The following CDH15 variants were observed in gnomAD, a reference collection of about 807,000 sequenced individuals.
CDH15 encodes the protein cadherin-15.
Under a neutral mutation model 69.4 loss-of-function variants are expected in CDH15, and 73 were observed. The observed-to-expected ratio is 1.05, with a 90% CI of 0.87 to 1.28. The LOEUF (loss-of-function observed/expected upper bound fraction) is 1.28, where lower values mean the gene tolerates loss of function less well. Among genes scored for constraint, CDH15 ranks in the 50% most tolerant of loss-of-function variants. CDH15 has a pLI of 0.00. For synonymous variants in CDH15, 624 were observed against 507.7 expected, an observed-to-expected ratio of 1.23 and a Z score of -3.08; for missense variants, 1,343 against 1,133.6, an observed-to-expected ratio of 1.18 and a Z score of -2.65.
Position 89,190,379 on chromosome 16 carries a change from C to T in CDH15, c.1115C>T (p.Pro372Leu). Residue 372 changes from proline (P) to leucine (L), a missense_variant, in exon 8 of 14, where the codon CCC becomes CTC. Coordinates refer to ENST00000289746, the MANE Select transcript of CDH15 (RefSeq NM_004933.3). ...GTGCATGTGCAGGACACCAACGAGC[C>T]CCCCGTGTTCCAGGAGAACCCACTT... ...VRVHVQDTNEPPVFQENPLRT... is the reference protein window; with the variant it reads ...VRVHVQDTNELPVFQENPLRT... The T allele has an allele frequency of 1.2e-6, 2 of 1,612,886 alleles. No individual in the cohort carries two copies. The highest frequency in any genetic ancestry group is 1.7e-6 in the Non-Finnish European group (2 of 1,179,968).
At position 89,192,371 on chromosome 16, in the gene CDH15, G is replaced by A; in HGVS notation, c.1782G>A (p.Ala594=). The A allele has an allele frequency of 6.5e-7, 1 of 1,538,154 alleles. No individual in the cohort carries two copies. The highest frequency in any genetic ancestry group is 8.7e-7 in the Non-Finnish European group (1 of 1,148,552). The change falls in exon 11 of 14, where the codon GCG becomes GCA. Residue 594 remains alanine (A), a synonymous_variant. Coordinates refer to ENST00000289746, the MANE Select transcript of CDH15 (RefSeq NM_004933.3). ...KDGVCLPGAA[A]LLAGGTGLSL... is the part of the protein sequence containing the mutation. ...GCGTCTGCCTGCCGGGGGCCGCAGCGCTGCTGGCGGGGGGCACAGGCCTCA... is the reference window on the plus strand; with the variant it reads ...GCGTCTGCCTGCCGGGGGCCGCAGCACTGCTGGCGGGGGGCACAGGCCTCA...
intron 2 of CDH15, 25 bp downstream of exon 2, chr16:89,179,599 G>A (rs756245321): frequency 6.5e-7 from 1 of 1,550,340 alleles, no homozygotes; most frequent in East Asian, 2.3e-5. Flanking sequence ...GGGGCAGGAG[G>A]GGAGAAAGGG....
In CDH15 at chr16:89,193,611, G is replaced by C. The variant is rs202009622; in HGVS notation, c.1992+5G>C. ...GGAGGCGGGGAGGAGGACCAGGTGA[G>C]GGGGCAGGTGTGGGTGGGGAGGGGT... On this transcript the variant is annotated splice_donor_5th_base_variant and intron_variant, in intron 12 of 13. Coordinates refer to ENST00000289746, the MANE Select transcript of CDH15 (RefSeq NM_004933.3). 4.0e-5 allele frequency: 64 copies of C among 1,587,824 alleles called. No individual in the cohort carries two copies. In the East Asian group the frequency reaches 1.4e-3, roughly 36 times the overall value.
chr16:89,185,161 T>G lies in CDH15; in HGVS notation c.503-12T>G. 6.3e-7 allele frequency: 1 copy of G among 1,587,936 alleles called. No individual in the cohort carries two copies. The highest frequency in any genetic ancestry group is 8.6e-7 in the Non-Finnish European group (1 of 1,168,010). On this transcript the variant is annotated splice_polypyrimidine_tract_variant and intron_variant, in intron 4 of 13. Coordinates refer to ENST00000289746, the MANE Select transcript of CDH15 (RefSeq NM_004933.3). Reference sequence around the variant, plus strand: ...GTGGACGTTGGCCCTCACGCCTCCCTGTGCTTCCCAGGCACCTATGTGACC... The same window carrying G: ...GTGGACGTTGGCCCTCACGCCTCCCGGTGCTTCCCAGGCACCTATGTGACC...
At chr16:89,193,441 GC>G in intron 11 of CDH15, 28 bp from the exon 12 acceptor site, 1 of 1,588,030 alleles carries the variant, frequency 6.3e-7, no homozygotes, top group Non-Finnish European at 8.6e-7. Flanking sequence ...CCTGTGCCTG[GC>G]CCCAGCCTGC....
chr16:89,194,853 T>C lies in CDH15; in HGVS notation c.2152-9T>C, dbSNP rs913394835. The C allele has an allele frequency of 1.0e-5, 16 of 1,598,220 alleles. No individual in the cohort carries two copies. Among genetic ancestry groups the C allele is most frequent in the Non-Finnish European group, 1.4e-5 (16 of 1,171,712 alleles). The stretch of plus-strand genomic sequence containing the variant: ...CCATGTGTCTTGAGCTCTCCGGGCC[T>C]CTTTATAGGGCTTGGAGGCTGCAGA... On this transcript the variant is annotated splice_polypyrimidine_tract_variant and intron_variant, in intron 13 of 13. Transcript: ENST00000289746.
At chr16:89,183,741 T>G in intron 4 of CDH15, 49 bp downstream of exon 4, 1 of 1,544,028 alleles carries the variant, frequency 6.5e-7, no homozygotes, top group Non-Finnish European at 8.8e-7. Context: ...AAGGAAGGGC[T>G]CTGTGAAGTC....
intron 1 of CDH15, among the ~76,000 whole-genome samples, chr16:89,178,901 C>T (rs1915314712): frequency 6.6e-6 from 1 of 152,220 alleles, no homozygotes; most frequent in Admixed American, 6.5e-5. Context: ...ACAGGCACCG[C>T]CACTGGCTTC....
chr16:89,185,361 C>A, intron 5 of CDH15, 28 bp downstream of exon 5: 5 of 1,572,934 alleles, frequency 3.2e-6, no homozygotes, highest in South Asian at 1.2e-5. Context: ...CAGCTCCACA[C>A]CCGCACGGCC....
At chr16:89,192,650 C>G (rs1915679449) in intron 11 of CDH15, among the ~76,000 whole-genome samples, 1 of 77,696 alleles carries the variant, frequency 1.3e-5, no homozygotes, top group African/African-American at 6.1e-5. Flanking sequence ...CCGCTTCCTC[C>G]CCAGCTCCGC....
Position 89,195,363 on chromosome 16 carries a change from T to G in CDH15, c.*208T>G. On this transcript the variant is annotated 3_prime_UTR_variant, in exon 14 of 14. Transcript: ENST00000289746. ...CCTGCCGGGGTGGGAAGAGTTTCTC[T>G]CCATCGGCCCCATGCGGGTCACCTC... 1.7e-6 allele frequency: 1 copy of G among 593,046 alleles called. No homozygotes were observed. 36.7% of individuals were successfully genotyped at this position (593,046 alleles called of 1,614,324 possible).
chr16:89,194,007 G>A lies in CDH15; in HGVS notation c.2151+94G>A, dbSNP rs1274433987. 25 of 1,399,108 alleles carry A rather than the reference G, an allele frequency of 1.8e-5. No individual in the cohort carries two copies. The Admixed American group carries it at 2.9e-4, about 16-fold the overall frequency. The allele number at this position is 1,399,108 out of a possible 1,614,324, so 86.7% of individuals were successfully genotyped here. ...ACACCTGCACATGCATGCAAGAACCGGCGCCTGCATGCACTTATGGGCCGT... is the reference window on the plus strand; with the variant it reads ...ACACCTGCACATGCATGCAAGAACCAGCGCCTGCATGCACTTATGGGCCGT... On this transcript the variant is annotated intron_variant, in intron 13 of 13. Coordinates refer to ENST00000289746, the MANE Select transcript of CDH15 (RefSeq NM_004933.3).
intron 8 of CDH15, among the ~76,000 whole-genome samples, chr16:89,191,035 C>A (rs375297992): frequency 4.1e-5 from 5 of 122,522 alleles, no homozygotes; most frequent in African/African-American, 1.6e-4. Context: ...GTGGTACATG[C>A]GTGTGGTGTA....
intron 8 of CDH15, 134 bp downstream of exon 8, chr16:89,190,630 G>T: frequency 8.6e-7 from 1 of 1,164,602 alleles, no homozygotes; most frequent in Non-Finnish European, 1.2e-6. Flanking sequence ...TGAAGGTCTG[G>T]AGGGTCTCGA....
In CDH15 at chr16:89,192,028, C is replaced by A. The variant is rs374508070; in HGVS notation, c.1615+134C>A. ...TGCAACAGGTCCCCTCCCGCCACCC[C>A]CCCCACCACTGCATCCTCCCGTGGG... On this transcript the variant is annotated intron_variant, in intron 10 of 13. Coordinates refer to ENST00000289746, the MANE Select transcript of CDH15 (RefSeq NM_004933.3). The A allele has an allele frequency of 3.7e-4, 425 of 1,146,752 alleles. 6 individuals carry two copies. In the South Asian group the frequency reaches 6.0e-3, roughly 16 times the overall value. 71.0% of individuals were successfully genotyped at this position (1,146,752 alleles called of 1,614,324 possible).
In CDH15 at chr16:89,191,268, T is replaced by G. The variant is rs1363629926; in HGVS notation, c.1233-62T>G. On this transcript the variant is annotated intron_variant, in intron 8 of 13. Transcript: ENST00000289746. ...GCAGTGCATGTCACGCACCCATACC[T>G]GACCACACCTGTGGGGCCCTGGGGT... 6.9e-6 allele frequency: 11 copies of G among 1,605,518 alleles called. No homozygotes were observed. The East Asian group carries it at 2.0e-4, about 29-fold the overall frequency.
At position 89,176,871 on chromosome 16, in the gene CDH15, G is replaced by GGCGT. The variant is rs1366161703; in HGVS notation, c.43-2545_43-2544insGCGT. Among the ~76,000 whole-genome samples, 1,171 of 152,294 alleles carry GGCGT rather than the reference G, an allele frequency of 7.7e-3. 17 individuals are homozygous for GGCGT. Among genetic ancestry groups the GGCGT allele is most frequent in the African/African-American group, 0.026 (1,090 of 41,570 alleles). ...CCCCATCGCCTGCCTGGGACCCCCAGCACCTCCCACCCGTCCCCCTGCCCG... is the reference window on the plus strand; with the variant it reads ...CCCCATCGCCTGCCTGGGACCCCCAGGCGTCACCTCCCACCCGTCCCCCTGCCCG... On this transcript the variant is annotated intron_variant, in intron 1 of 13. Coordinates refer to ENST00000289746, the MANE Select transcript of CDH15 (RefSeq NM_004933.3).
At chr16:89,187,680 AC>A (rs1163833743) in intron 6 of CDH15, 123 bp downstream of exon 6, 1 of 1,401,678 alleles carries the variant, frequency 7.1e-7, no homozygotes, top group Non-Finnish European at 9.8e-7. Flanking sequence ...TGGAGAAGGA[AC>A]TCCGCGTGGG....
rs1915532464 is a variant in CDH15, at chr16:89,188,187, T to C, written c.880T>C (p.Trp294Arg). ...CAGGGACCTGCCAGGCTCCCCAAACTGGGTGGCCAGGTTCACCATCCTGGA... is the reference window on the plus strand; with the variant it reads ...CAGGGACCTGCCAGGCTCCCCAAACCGGGTGGCCAGGTTCACCATCCTGGA... Reference protein sequence around the residue: ...EDRDLPGSPNWVARFTILEGD... With the variant: ...EDRDLPGSPNRVARFTILEGD... Residue 294 changes from tryptophan (W) to arginine (R), a missense_variant, in exon 7 of 14, where the codon TGG (tryptophan) becomes CGG (arginine). By Grantham distance (101) the Trp-to-Arg change is moderately radical. Transcript: ENST00000289746. 6.2e-7 allele frequency: 1 copy of C among 1,613,464 alleles called. No homozygotes were observed. The highest frequency in any genetic ancestry group is 1.7e-5 in the Admixed American group (1 of 59,970).
Sources: gnomAD v4.1 joint callset for allele counts (sites outside exome capture counted in the v4.1 genomes callset) on GRCh38, gnomAD v4.1.1 for gene constraint, MANE v1.5 for transcripts, NCBI Gene and HGNC (gene_info 2026-07-23, HGNC 2026-07-21) for gene names.